The following TRERF1 variants were observed in gnomAD, a reference collection of about 807,000 sequenced individuals.
TRERF1 encodes the protein transcriptional-regulating factor 1.
TRERF1 carries 27 observed loss-of-function variants against 122.9 expected under a neutral mutation model. The observed-to-expected ratio is 0.22, with a 90% confidence interval of 0.16 to 0.30. TRERF1 has a LOEUF of 0.30. Ranked by LOEUF, TRERF1 falls within the 10% of genes least tolerant of loss-of-function variation. The probability of loss-of-function intolerance (pLI) is 1.00; values close to 1 mark genes in which losing one functional copy is unlikely to be tolerated. For synonymous variants in TRERF1, 636 were observed against 641.7 expected, an observed-to-expected ratio of 0.99 and a Z score of 0.13; for missense variants, 1,248 against 1,560.3, an observed-to-expected ratio of 0.80 and a Z score of 3.37.
chr6:42,344,136 C>T (rs1767827281), intron 3 of TRERF1, among the ~76,000 whole-genome samples: 1 of 152,216 alleles, frequency 6.6e-6, no homozygotes, highest in African/African-American at 2.4e-5. Flanking sequence ...AAGGACCGAA[C>T]TGCTTGGAGT....
chr6:42,244,042 C>T (rs539799048), intron 14 of TRERF1, among the ~76,000 whole-genome samples: 93 of 151,260 alleles, frequency 6.1e-4, no homozygotes, highest in Non-Finnish European at 1.2e-3. Context: ...CCGCACCTGG[C>T]TCATTTTTTT....
rs142266283 is a variant in TRERF1, at chr6:42,230,258, A to G, written c.3279-1589T>C. ...GAGGTATTTTGTGAACATTTGCCTA[A>G]TGTTATTTTGAGTTAGGAAAAGCCA... On this transcript the variant is annotated intron_variant, in intron 17 of 17. Transcript: ENST00000372922. 7.3e-3 allele frequency among the ~76,000 whole-genome samples: 1,109 copies of G among 152,218 alleles called. 33 individuals carry two copies. Among genetic ancestry groups the G allele is most frequent in the Admixed American group, 0.062 (948 of 15,288 alleles).
chr6:42,314,135 A>G (rs1205273065), intron 3 of TRERF1, among the ~76,000 whole-genome samples: 2 of 152,154 alleles, frequency 1.3e-5, no homozygotes, highest in Admixed American at 1.3e-4. Flanking sequence ...AACTGAAGAC[A>G]AACTAATTAC....
intron 1 of TRERF1, among the ~76,000 whole-genome samples, 154 bp downstream of exon 1, chr6:42,451,520 C>T (rs181893563): frequency 6.6e-6 from 1 of 152,034 alleles, no homozygotes; most frequent in Non-Finnish European, 1.5e-5. Context: ...GAAACTTACT[C>T]GGTCCGTCTA....
At chr6:42,257,199 T>A in intron 10 of TRERF1, 97 bp from the exon 11 acceptor site, 1 of 1,449,980 alleles carries the variant, frequency 6.9e-7, no homozygotes, top group African/African-American at 1.4e-5. Flanking sequence ...GGAAACTAGT[T>A]CTTTCTGCAA....
chr6:42,315,539 G>A (rs2150387464), intron 3 of TRERF1, among the ~76,000 whole-genome samples: 1 of 152,302 alleles, frequency 6.6e-6, no homozygotes, highest in East Asian at 1.9e-4. Flanking sequence ...TAGAGGCAAA[G>A]AGGCTGTGAC....
chr6:42,242,445 C>T (rs1386743466), intron 15 of TRERF1, among the ~76,000 whole-genome samples: 3 of 152,184 alleles, frequency 2.0e-5, no homozygotes, highest in Non-Finnish European at 2.9e-5. Context: ...CTGATGGTGA[C>T]AAAAGCTAGA....
chr6:42,290,341 A>C (rs1443835009), intron 4 of TRERF1, among the ~76,000 whole-genome samples: 1 of 152,200 alleles, frequency 6.6e-6, no homozygotes, highest in African/African-American at 2.4e-5. Flanking sequence ...TTGCTTCCAC[A>C]GTAAACTCAG....
chr6:42,254,587 T>G (rs182239045), intron 13 of TRERF1, among the ~76,000 whole-genome samples: 1 of 152,284 alleles, frequency 6.6e-6, no homozygotes, highest in East Asian at 1.9e-4. Flanking sequence ...TCTGGTCTCA[T>G]GCACTCGTCT....
chr6:42,258,182 G>A (rs751529890), exon 10 of TRERF1: 10 of 1,614,170 alleles, frequency 6.2e-6, no homozygotes, highest in South Asian at 3.3e-5. Flanking sequence ...TGACCGTCAC[G>A]TTGCTGCCAT....
intron 2 of TRERF1, among the ~76,000 whole-genome samples, chr6:42,419,145 T>A (rs1054846107): frequency 2.0e-5 from 3 of 152,162 alleles, no homozygotes; most frequent in Non-Finnish European, 4.4e-5. Flanking sequence ...TTTGAGAAGA[T>A]TCTGGAAACT....
At chr6:42,441,309 CTTACGTAGAG>C (rs2151773983) in intron 2 of TRERF1, among the ~76,000 whole-genome samples, 1 of 152,308 alleles carries the variant, frequency 6.6e-6, no homozygotes, top group Non-Finnish European at 1.5e-5. Context: ...TATCAGAAAT[CTTACGTAGAG>C]TTGCTCAAAG....
At chr6:42,281,259 A>G (rs1323004922) in intron 4 of TRERF1, among the ~76,000 whole-genome samples, 5 of 152,148 alleles carry the variant, frequency 3.3e-5, no homozygotes, top group African/African-American at 1.2e-4. Flanking sequence ...AAGAAGACAG[A>G]AATGCGGCCC....
intron 2 of TRERF1, among the ~76,000 whole-genome samples, chr6:42,432,321 C>T (rs891474694): frequency 1.3e-5 from 2 of 152,328 alleles, no homozygotes; most frequent in Non-Finnish European, 2.9e-5. Flanking sequence ...TTTGTACATG[C>T]TATATGCATA....
At chr6:42,374,150 A>AAGAAGAAGAAGAAGAAGAAGAAGAAGAAG (rs1554193491) in intron 2 of TRERF1, among the ~76,000 whole-genome samples, 2 of 144,034 alleles carry the variant, frequency 1.4e-5, no homozygotes, top group African/African-American at 5.2e-5. Context: ...AAAAAAAAAA[A>AAGAAGAAGAAGAAGAAGAAGAAGAAGAAG]AAGAAGAAGA....
intron 15 of TRERF1, among the ~76,000 whole-genome samples, chr6:42,240,411 A>T (rs1773423673): frequency 6.6e-6 from 1 of 152,216 alleles, no homozygotes. Flanking sequence ...ACATTCCAGA[A>T]TTGGAAGGGA....
At chr6:42,245,072 G>C (rs1774515945) in intron 14 of TRERF1, among the ~76,000 whole-genome samples, 1 of 152,244 alleles carries the variant, frequency 6.6e-6, no homozygotes, top group Non-Finnish European at 1.5e-5. Flanking sequence ...TCACCTGAGG[G>C]AGTGAGGACA....
chr6:42,411,383 CA>C (rs1781072686), intron 2 of TRERF1, among the ~76,000 whole-genome samples: 1 of 152,160 alleles, frequency 6.6e-6, no homozygotes. Flanking sequence ...CATGTCTCCC[CA>C]CCACACCTGG....
intron 3 of TRERF1, among the ~76,000 whole-genome samples, chr6:42,359,585 G>A (rs1345182061): frequency 1.3e-5 from 2 of 152,144 alleles, no homozygotes; most frequent in African/African-American, 2.4e-5. Flanking sequence ...TTAGCTGGGC[G>A]CGGTGGCGTG....
Sources: gnomAD v4.1 joint callset for allele counts (sites outside exome capture counted in the v4.1 genomes callset) on GRCh38, gnomAD v4.1.1 for gene constraint, MANE v1.5 for transcripts, NCBI Gene and HGNC (gene_info 2026-07-23, HGNC 2026-07-21) for gene names.